Variants in MAP3K7CL observed in about 807,000 individuals in gnomAD.
MAP3K7CL encodes MAP3K7 C-terminal-like protein.
Under a neutral mutation model 18.6 loss-of-function variants are expected in MAP3K7CL, and 16 were observed. That is an observed-to-expected ratio of 0.86 (90% CI 0.58 to 1.31). The LOEUF (loss-of-function observed/expected upper bound fraction) is 1.31. Among genes scored for constraint, MAP3K7CL ranks in the 50% most tolerant of loss-of-function variants. MAP3K7CL has a pLI of 0.00. For synonymous variants in MAP3K7CL, 65 were observed against 66.8 expected, an observed-to-expected ratio of 0.97 and a Z score of 0.13; for missense variants, 163 against 174.4, an observed-to-expected ratio of 0.93 and a Z score of 0.37.
At chr21:29,163,035 C>A (rs748507748) in intron 4 of MAP3K7CL, among the ~76,000 whole-genome samples, 15 of 152,168 alleles carry the variant, frequency 9.9e-5, no homozygotes, top group Admixed American at 4.6e-4. Flanking sequence ...TGCTTGAACC[C>A]AGTAGGCGGA....
chr21:29,139,034 G>A (rs1290311153), intron 2 of MAP3K7CL, among the ~76,000 whole-genome samples: 1 of 152,126 alleles, frequency 6.6e-6, no homozygotes, highest in African/African-American at 2.4e-5. Context: ...ATGACACTTA[G>A]TTTTTGTGTT....
At chr21:29,085,872 G>A in exon 1 of MAP3K7CL, 2 of 1,614,150 alleles carry the variant, frequency 1.2e-6, no homozygotes, top group South Asian at 1.1e-5. Flanking sequence ...TGGTTCAGCT[G>A]ATTGCACCTT....
intron 4 of MAP3K7CL, among the ~76,000 whole-genome samples, chr21:29,164,778 G>T (rs760844488): frequency 6.6e-6 from 1 of 152,162 alleles, no homozygotes; most frequent in Non-Finnish European, 1.5e-5. Context: ...TGTGAAAAAG[G>T]TGGGAAGGAC....
intron 3 of MAP3K7CL, among the ~76,000 whole-genome samples, chr21:29,157,503 G>T (rs1601256522): frequency 6.6e-6 from 1 of 152,296 alleles, no homozygotes; most frequent in African/African-American, 2.4e-5. Flanking sequence ...TGTACTCCCT[G>T]AAAACTGGAT....
rs569946794 is a variant in MAP3K7CL, at chr21:29,159,284, G to T, written c.133-657G>T. Among the ~76,000 whole-genome samples the T allele has an allele frequency of 7.9e-5, 12 of 152,284 alleles. No homozygotes were observed. In the South Asian group the frequency reaches 1.2e-3, roughly 16 times the overall value. On this transcript the variant is annotated intron_variant, in intron 3 of 4. Coordinates refer to ENST00000399928, the MANE Select transcript of MAP3K7CL (RefSeq NM_001286620.2). ...AGAAGTAGGGTTTTCACCATGTTGC[G>T]GTCAGAAAGGCTTGCCACGCTGGCC... is the stretch of plus-strand genomic sequence containing the variant.
chr21:29,136,773 A>G (rs566238028), intron 2 of MAP3K7CL, among the ~76,000 whole-genome samples: 233 of 152,254 alleles, frequency 1.5e-3, no homozygotes, highest in African/African-American at 5.4e-3. Context: ...GGCCCGCCTC[A>G]GCCTCCCAAA....
At chr21:29,117,222 C>A (rs1234541103) in intron 4 of MAP3K7CL, among the ~76,000 whole-genome samples, 1 of 151,988 alleles carries the variant, frequency 6.6e-6, no homozygotes, top group East Asian at 1.9e-4. Context: ...TTTTCTGTTC[C>A]AGGAAAATGT....
intron 4 of MAP3K7CL, among the ~76,000 whole-genome samples, chr21:29,170,381 T>C (rs1435603451): frequency 1.3e-5 from 2 of 152,234 alleles, no homozygotes; most frequent in Non-Finnish European, 2.9e-5. Flanking sequence ...TGTAAAAATC[T>C]ATGATTTTGT....
intron 4 of MAP3K7CL, among the ~76,000 whole-genome samples, chr21:29,110,097 T>G (rs2086393894): frequency 6.6e-6 from 1 of 152,252 alleles, no homozygotes; most frequent in Non-Finnish European, 1.5e-5. Context: ...CTTGTATAAC[T>G]TTTAACCATT....
intron 4 of MAP3K7CL, among the ~76,000 whole-genome samples, chr21:29,168,687 C>G (rs1019936620): frequency 3.9e-5 from 6 of 152,150 alleles, no homozygotes; most frequent in African/African-American, 1.4e-4. Flanking sequence ...AAATTTATGC[C>G]TAGTGTTCCA....
At chr21:29,157,830 G>T (rs769699948) in intron 3 of MAP3K7CL, among the ~76,000 whole-genome samples, 3 of 152,218 alleles carry the variant, frequency 2.0e-5, no homozygotes, top group Non-Finnish European at 2.9e-5. Context: ...TCTTAAGAAA[G>T]TTATTAATGT....
intron 2 of MAP3K7CL, among the ~76,000 whole-genome samples, chr21:29,137,839 C>T (rs1404540694): frequency 5.3e-5 from 8 of 151,864 alleles, no homozygotes; most frequent in African/African-American, 1.2e-4. Flanking sequence ...TGATCAAAAG[C>T]GATGAAGTGT....
intron 4 of MAP3K7CL, 107 bp from the exon 5 acceptor site, chr21:29,174,605 A>G (rs1220671338): frequency 6.5e-6 from 9 of 1,379,578 alleles, no homozygotes; most frequent in Non-Finnish European, 7.9e-6. Context: ...GAAAAAATTC[A>G]GAACAGCAGA....
chr21:29,155,139 A>G (rs1322435739), intron 3 of MAP3K7CL, among the ~76,000 whole-genome samples: 1 of 152,246 alleles, frequency 6.6e-6, no homozygotes, highest in Non-Finnish European at 1.5e-5. Context: ...GAGTTCTTAA[A>G]TATCGAAATC....
chr21:29,164,579 C>G (rs200265152), intron 4 of MAP3K7CL, among the ~76,000 whole-genome samples: 1 of 152,164 alleles, frequency 6.6e-6, no homozygotes, highest in South Asian at 2.1e-4. Context: ...TCTTAAGAGG[C>G]GTGATGAGAA....
In MAP3K7CL at chr21:29,130,657, C is replaced by G; in HGVS notation, c.-306C>G. ...TTCTAGAAAGATGACAACATCCTGG[C>G]TGTTAGAGAGGCAAGGAAAGGAGAG... On this transcript the variant is annotated 5_prime_UTR_variant, in exon 1 of 5. Transcript: ENST00000399928. 2 of 985,414 alleles carry G rather than the reference C, an allele frequency of 2.0e-6. No homozygotes were observed. Among genetic ancestry groups the G allele is most frequent in the South Asian group, 4.7e-5 (1 of 21,282 alleles). The allele number at this position is 985,414 out of a possible 1,614,324, so 61.0% of individuals were successfully genotyped here.
At chr21:29,156,888 G>A (rs570184657) in intron 3 of MAP3K7CL, among the ~76,000 whole-genome samples, 178 of 152,234 alleles carry the variant, frequency 1.2e-3, no homozygotes, top group African/African-American at 4.1e-3. Flanking sequence ...TCCGTTGACC[G>A]GAGAGCACTT....
intron 3 of MAP3K7CL, among the ~76,000 whole-genome samples, chr21:29,157,448 G>C (rs911977233): frequency 6.6e-6 from 1 of 152,156 alleles, no homozygotes; most frequent in Admixed American, 6.5e-5. Context: ...CAAGTTGAAG[G>C]CTTAGTTTTT....
intron 4 of MAP3K7CL, among the ~76,000 whole-genome samples, chr21:29,172,590 C>CTG (rs2087866894): frequency 2.0e-5 from 3 of 152,084 alleles, no homozygotes; most frequent in African/African-American, 4.8e-5. Flanking sequence ...GTTTAGCATC[C>CTG]GGTCTTATCC....
Sources: gnomAD v4.1 joint callset for allele counts (sites outside exome capture counted in the v4.1 genomes callset) on GRCh38, gnomAD v4.1.1 for gene constraint, MANE v1.5 for transcripts, NCBI Gene and HGNC (gene_info 2026-07-23, HGNC 2026-07-21) for gene names.